Variants in DNAH11 observed in about 807,000 individuals in gnomAD.
DNAH11 encodes the protein axonemal beta dynein heavy chain 11.
A neutral mutation model predicts 526.0 loss-of-function variants in DNAH11; 442 were observed. That is an observed-to-expected ratio of 0.84 (90% CI 0.78 to 0.91). The LOEUF (loss-of-function observed/expected upper bound fraction) is 0.91, where lower values mean the gene tolerates loss of function less well. Among genes scored for constraint, DNAH11 ranks in the 40% least tolerant of loss-of-function variants. DNAH11 has a pLI of 0.00. For synonymous variants in DNAH11, 2,461 were observed against 1,935.9 expected (o/e 1.27, Z -7.12); for missense variants, 6,989 against 5,448.7 (o/e 1.28, Z -8.90).
chr7:21,633,907 A>G (rs572760025), intron 25 of DNAH11, among the ~76,000 whole-genome samples: 2 of 152,340 alleles, frequency 1.3e-5, no homozygotes, highest in East Asian at 3.9e-4. Flanking sequence ...CTACCATTCA[A>G]AGGTAATGTT....
At chr7:21,600,193 C>A in intron 15 of DNAH11, 74 bp downstream of exon 15, 1 of 1,322,686 alleles carries the variant, frequency 7.6e-7, no homozygotes, top group Non-Finnish European at 1.0e-6. Context: ...AGTATGGTAG[C>A]TCATGCTGGG....
intron 36 of DNAH11, among the ~76,000 whole-genome samples, chr7:21,700,313 G>T (rs1380059241): frequency 6.6e-6 from 1 of 152,174 alleles, no homozygotes; most frequent in African/African-American, 2.4e-5. Context: ...CAGAAGAGCT[G>T]GGTTAGGAAC....
In DNAH11 at chr7:21,845,213, A is replaced by C. The variant is rs370662713; in HGVS notation, c.10896+2465A>C. Among the ~76,000 whole-genome samples the C allele has an allele frequency of 1.6e-4, 24 of 152,240 alleles. 1 individual carries two copies. In the South Asian group the frequency reaches 1.7e-3, roughly 11 times the overall value. On this transcript the variant is annotated intron_variant, in intron 66 of 81. Coordinates refer to ENST00000409508, the MANE Select transcript of DNAH11 (RefSeq NM_001277115.2). Reference sequence around the variant, plus strand: ...TTGTTGGTGTCCTTTGAAGCACAAAAGTTTTTAATTTTGGTAATGTTCAGT... The same window carrying C: ...TTGTTGGTGTCCTTTGAAGCACAAACGTTTTTAATTTTGGTAATGTTCAGT...
chr7:21,778,390 C>T (rs1787775836), intron 56 of DNAH11, among the ~76,000 whole-genome samples: 1 of 152,074 alleles, frequency 6.6e-6, no homozygotes, highest in African/African-American at 2.4e-5. Context: ...ATTGGGTTAG[C>T]TTCATGATCA....
chr7:21,850,239 C>A (rs1399295336), intron 66 of DNAH11, among the ~76,000 whole-genome samples: 1 of 151,138 alleles, frequency 6.6e-6, no homozygotes, highest in Admixed American at 6.6e-5. Context: ...GCCTGTAGTC[C>A]CAGCTACTCG....
At chr7:21,577,173 A>G (rs1784127312) in intron 8 of DNAH11, among the ~76,000 whole-genome samples, 1 of 152,192 alleles carries the variant, frequency 6.6e-6, no homozygotes, top group South Asian at 2.1e-4. Flanking sequence ...AGCCCAGTAA[A>G]AGCCTGATCT....
chr7:21,874,481 G>A (rs577449220), intron 74 of DNAH11, among the ~76,000 whole-genome samples: 9 of 151,742 alleles, frequency 5.9e-5, no homozygotes, highest in South Asian at 2.1e-4. Flanking sequence ...GATTACAGGC[G>A]CCCACCACCA....
In DNAH11 at chr7:21,901,406, A is replaced by ATTCTAACTTTTTAGTAACTCACACGTGC; in HGVS notation, c.*152_*153insTTCTAACTTTTTAGTAACTCACACGTGC. On this transcript the variant is annotated 3_prime_UTR_variant, in exon 82 of 82. Coordinates refer to ENST00000409508, the MANE Select transcript of DNAH11 (RefSeq NM_001277115.2). The stretch of plus-strand genomic sequence containing the variant: ...CTATCCTTAGAGTGAAAGTCAGAAA[A>ATTCTAACTTTTTAGTAACTCACACGTGC]AAATACTAGAAACTAACTCAGGGCT... 2.7e-6 allele frequency: 3 copies of ATTCTAACTTTTTAGTAACTCACACGTGC among 1,121,170 alleles called. No homozygotes were observed. The highest frequency in any genetic ancestry group is 5.8e-5 in the East Asian group (2 of 34,318). 69.5% of individuals were successfully genotyped at this position (1,121,170 alleles called of 1,614,324 possible).
At chr7:21,719,523 A>G (rs532370572) in intron 43 of DNAH11, among the ~76,000 whole-genome samples, 13 of 152,192 alleles carry the variant, frequency 8.5e-5, no homozygotes, top group South Asian at 2.1e-4. Flanking sequence ...TTTGATTTCA[A>G]CAGTGCCTTA....
At chr7:21,603,760 G>A (rs1213846241) in intron 18 of DNAH11, among the ~76,000 whole-genome samples, 3 of 152,124 alleles carry the variant, frequency 2.0e-5, no homozygotes, top group Non-Finnish European at 4.4e-5. Flanking sequence ...TTGTTTCTAG[G>A]AAGATTTAGA....
At chr7:21,558,297 A>G (rs1411872730) in intron 2 of DNAH11, among the ~76,000 whole-genome samples, 2 of 152,190 alleles carry the variant, frequency 1.3e-5, no homozygotes. Flanking sequence ...ACATAGTTTC[A>G]TTGATGTTTC....
intron 74 of DNAH11, among the ~76,000 whole-genome samples, chr7:21,876,788 G>A (rs945734599): frequency 2.0e-5 from 3 of 152,220 alleles, no homozygotes; most frequent in African/African-American, 7.2e-5. Context: ...TGTTTGCTTT[G>A]TTGTGCAAGT....
At chr7:21,825,353 A>G (rs186608334) in intron 65 of DNAH11, among the ~76,000 whole-genome samples, 379 of 152,348 alleles carry the variant, frequency 2.5e-3, no homozygotes, top group Non-Finnish European at 4.2e-3. Context: ...ACAGGTACAC[A>G]TAGCAAGATT....
chr7:21,627,011 A>C (rs550203262), intron 25 of DNAH11, among the ~76,000 whole-genome samples: 1 of 152,114 alleles, frequency 6.6e-6, no homozygotes, highest in South Asian at 2.1e-4. Flanking sequence ...CTGCCCCTAA[A>C]GTGTGGGATT....
At chr7:21,678,985 T>A (rs1392945283) in intron 30 of DNAH11, among the ~76,000 whole-genome samples, 1 of 152,092 alleles carries the variant, frequency 6.6e-6, no homozygotes, top group Non-Finnish European at 1.5e-5. Flanking sequence ...ACCCAAGTAT[T>A]CATTAATAGA....
At chr7:21,549,168 C>T (rs975144638) in intron 2 of DNAH11, among the ~76,000 whole-genome samples, 4 of 152,140 alleles carry the variant, frequency 2.6e-5, no homozygotes, top group Non-Finnish European at 4.4e-5. Context: ...CATGAGCCAC[C>T]GTACCTGGCC....
chr7:21,802,846 GT>G (rs1789055858), intron 62 of DNAH11, among the ~76,000 whole-genome samples: 2 of 151,786 alleles, frequency 1.3e-5, no homozygotes, highest in Non-Finnish European at 2.9e-5. Flanking sequence ...AGGGTGTGGG[GT>G]TTGGGGAGTG....
In DNAH11 at chr7:21,606,447, A is replaced by C. The variant is rs1785285553; in HGVS notation, c.3670A>C (p.Thr1224Pro). 1 of 1,605,634 alleles carries C rather than the reference A, an allele frequency of 6.2e-7. No homozygotes were observed. Among genetic ancestry groups the C allele is most frequent in the South Asian group, 1.1e-5 (1 of 87,540 alleles). ...QLEELPERWETTKKIAATVRH... is the reference protein window; with the variant it reads ...QLEELPERWEPTKKIAATVRH... The stretch of plus-strand genomic sequence containing the variant: ...GCAGGAATTACCTGAAAGATGGGAA[A>C]CTACCAAAAAGATCGCAGCAACTGT... Residue 1224 changes from threonine (T) to proline (P), a missense_variant, in exon 19 of 82, where the codon ACT becomes CCT. Coordinates refer to ENST00000409508, the MANE Select transcript of DNAH11 (RefSeq NM_001277115.2).
intron 74 of DNAH11, among the ~76,000 whole-genome samples, chr7:21,875,278 A>G (rs1395554351): frequency 6.6e-6 from 1 of 152,174 alleles, no homozygotes; most frequent in African/African-American, 2.4e-5. Flanking sequence ...CTATTTCCCA[A>G]AGTACATACA....
Sources: gnomAD v4.1 joint callset for allele counts (sites outside exome capture counted in the v4.1 genomes callset) on GRCh38, gnomAD v4.1.1 for gene constraint, MANE v1.5 for transcripts, NCBI Gene and HGNC (gene_info 2026-07-23, HGNC 2026-07-21) for gene names.